Variants in PIEZO2 observed in about 807,000 individuals in gnomAD.
PIEZO2 encodes piezo-type mechanosensitive ion channel component 2.
In PIEZO2, 172 loss-of-function variants were observed where a neutral mutation model predicts 337.3. The ratio of observed to expected loss-of-function variants is 0.51; its 90% CI spans 0.45 to 0.58. PIEZO2 has a LOEUF of 0.58. PIEZO2 is among the 20% of genes least tolerant of loss of function. PIEZO2 has a pLI of 0.00. For missense variants in PIEZO2, 3,028 were observed against 3,391.3 expected (o/e 0.89, Z 2.66); for synonymous variants, 1,251 against 1,228.5 (o/e 1.02, Z -0.38).
intron 7 of PIEZO2, among the ~76,000 whole-genome samples, chr18:10,811,301 C>T (rs1277873384): frequency 6.6e-6 from 1 of 152,174 alleles, no homozygotes; most frequent in Admixed American, 6.5e-5. Flanking sequence ...ATTTGAATTT[C>T]TGCTATTTTT....
chr18:11,017,321 C>A (rs776892697), intron 2 of PIEZO2, among the ~76,000 whole-genome samples: 28 of 152,140 alleles, frequency 1.8e-4, no homozygotes, highest in Non-Finnish European at 4.0e-4. Context: ...GAAGAGAGTT[C>A]TTCAAGACGT....
Position 10,969,578 on chromosome 18 carries a change from A to C in PIEZO2, c.286+9957T>G, listed in dbSNP as rs768164370. Among the ~76,000 whole-genome samples the C allele has an allele frequency of 1.3e-5, 2 of 152,190 alleles. No homozygotes were observed. Among genetic ancestry groups the C allele is most frequent in the African/African-American group, 2.4e-5 (1 of 41,444 alleles). On this transcript the variant is annotated intron_variant, in intron 3 of 55. Coordinates refer to ENST00000674853, the MANE Select transcript of PIEZO2 (RefSeq NM_001378183.1). This position sits in a 1 kb window ranked among gnomAD's most constrained non-coding sequence, Gnocchi z 4.5. ...CTTAATTTTCCCAAATCCAAATGGAAATCCAAATTTTTTTTTGCGAAGGAA... is the reference window on the plus strand; with the variant it reads ...CTTAATTTTCCCAAATCCAAATGGACATCCAAATTTTTTTTTGCGAAGGAA...
Position 11,097,210 on chromosome 18 carries a change from G to GA in PIEZO2, c.65-30989dup, listed in dbSNP as rs933063330. ...ATGCTTTTTATATGTTTAAATGATT[G>GA]AAAAAAAAAGTCAAAAGAAGACTAG... On this transcript the variant is annotated intron_variant, in intron 1 of 55. Coordinates refer to ENST00000674853, the MANE Select transcript of PIEZO2 (RefSeq NM_001378183.1). The surrounding 1 kb of genome is among the most constrained non-coding windows in gnomAD (Gnocchi z 5.0). Among the ~76,000 whole-genome samples the GA allele has an allele frequency of 1.5e-4, 22 of 150,370 alleles. No homozygotes were observed. The highest frequency in any genetic ancestry group is 3.4e-3 in the Middle Eastern group (1 of 292).
In PIEZO2 at chr18:10,854,615, G is replaced by A. The variant is rs2041650434; in HGVS notation, c.917+738C>T. On this transcript the variant is annotated intron_variant, in intron 7 of 55. Coordinates refer to ENST00000674853, the MANE Select transcript of PIEZO2 (RefSeq NM_001378183.1). This position sits in a 1 kb window ranked among gnomAD's most constrained non-coding sequence, Gnocchi z 4.6. The stretch of plus-strand genomic sequence containing the variant: ...CTTTAATTCTCATTTTCATAGTAAG[G>A]ATTTGGTGTAATAGTCATCTCCAAT... Among the ~76,000 whole-genome samples the A allele has an allele frequency of 1.3e-5, 2 of 152,324 alleles. No individual in the cohort carries two copies. Among genetic ancestry groups the A allele is most frequent in the East Asian group, 1.9e-4 (1 of 5,186 alleles).
Position 10,982,426 on chromosome 18 carries a change from T to C in PIEZO2, c.161-2766A>G, listed in dbSNP as rs368928452. On this transcript the variant is annotated intron_variant, in intron 2 of 55. Transcript: ENST00000674853. The surrounding 1 kb of genome is among the most constrained non-coding windows in gnomAD (Gnocchi z 4.1). Reference sequence around the variant, plus strand: ...TAAATAAGTGAAGAGATCTGTTACATGCATGAATGAGGTGACTCAATATGA... The same window carrying C: ...TAAATAAGTGAAGAGATCTGTTACACGCATGAATGAGGTGACTCAATATGA... 4.6e-5 allele frequency among the ~76,000 whole-genome samples: 7 copies of C among 152,270 alleles called. No homozygotes were observed. The East Asian group carries it at 1.2e-3, about 25-fold the overall frequency.
Position 10,682,368 on chromosome 18 carries a change from C to T in PIEZO2, c.7498-76G>A, listed in dbSNP as rs2034304308. 13 of 1,298,480 alleles carry T rather than the reference C, an allele frequency of 1.0e-5. No homozygotes were observed. The highest frequency in any genetic ancestry group is 2.9e-5 in the South Asian group (2 of 69,586). 80.4% of individuals were successfully genotyped at this position (1,298,480 alleles called of 1,614,324 possible). ...CGCAGGCAGCGGGATTGGGGGAGAGCGAGTGCTCTTCCTGTGGTGCTGGGA... is the reference window on the plus strand; with the variant it reads ...CGCAGGCAGCGGGATTGGGGGAGAGTGAGTGCTCTTCCTGTGGTGCTGGGA... On this transcript the variant is annotated intron_variant, in intron 49 of 55. Transcript: ENST00000674853. The surrounding 1 kb of genome is among the most constrained non-coding windows in gnomAD (Gnocchi z 5.6).
intron 1 of PIEZO2, among the ~76,000 whole-genome samples, chr18:11,081,863 G>A (rs980119180): frequency 4.6e-5 from 7 of 151,476 alleles, no homozygotes; most frequent in Non-Finnish European, 7.4e-5. Flanking sequence ...AGGTTTAAGC[G>A]ATTCTCCTGT....
In PIEZO2 at chr18:11,001,894, GGAAGGAAGGAA is replaced by G. The variant is rs1482370709; in HGVS notation, c.161-22245_161-22235del. 3.3e-5 allele frequency among the ~76,000 whole-genome samples: 4 copies of G among 119,918 alleles called. No individual in the cohort carries two copies. The highest frequency in any genetic ancestry group is 9.8e-5 in the African/African-American group (3 of 30,508). 78.7% of individuals were successfully genotyped at this position (119,918 alleles called of 152,430 possible). A position where few individuals can be genotyped will look rare whatever the true frequency, so the allele number is the denominator to read the frequency against. Reference sequence around the variant, plus strand: ...TTCAAAAAAGAAAAAGGAGAAAAAGGGAAGGAAGGAAGAAGGAAGGAAGGAAGGAAGGAAGG... The same window carrying G: ...TTCAAAAAAGAAAAAGGAGAAAAAGGGAAGGAAGGAAGGAAGGAAGGAAGG... On this transcript the variant is annotated intron_variant, in intron 2 of 55. Transcript: ENST00000674853. This position sits in a 1 kb window ranked among gnomAD's most constrained non-coding sequence, Gnocchi z 5.3.
intron 1 of PIEZO2, among the ~76,000 whole-genome samples, chr18:11,106,918 G>A (rs1007065123): frequency 6.6e-6 from 1 of 152,118 alleles, no homozygotes; most frequent in Non-Finnish European, 1.5e-5. Flanking sequence ...GAGGCAGTTC[G>A]GCTGAGAAAC....
At chr18:10,749,345 C>T (rs1351684196) in intron 29 of PIEZO2, among the ~76,000 whole-genome samples, 1 of 151,918 alleles carries the variant, frequency 6.6e-6, no homozygotes. Context: ...CTACTGTGGT[C>T]CCAGCTACTC....
chr18:10,922,446 G>T (rs1269287118), intron 3 of PIEZO2, among the ~76,000 whole-genome samples: 5 of 152,116 alleles, frequency 3.3e-5, no homozygotes, highest in Admixed American at 3.3e-4. Context: ...TGAGGCCAAA[G>T]GACAAGGTGG....
rs1042745166 is a variant in PIEZO2 at position 11,112,082 on chromosome 18, T to A, written c.64+36443A>T. On this transcript the variant is annotated intron_variant, in intron 1 of 55. Transcript: ENST00000674853. The surrounding 1 kb of genome is among the most constrained non-coding windows in gnomAD (Gnocchi z 4.3). ...GAAAGGATTTTAAGACTTTTTAGAATGATTAAACTTTAAAGATGGAGTTTC... is the reference window on the plus strand; with the variant it reads ...GAAAGGATTTTAAGACTTTTTAGAAAGATTAAACTTTAAAGATGGAGTTTC... 6.6e-6 allele frequency among the ~76,000 whole-genome samples: 1 copy of A among 152,232 alleles called. No homozygotes were observed. The highest frequency in any genetic ancestry group is 2.4e-5 in the African/African-American group (1 of 41,464).
chr18:11,091,464 G>T (rs1300153457), intron 1 of PIEZO2, among the ~76,000 whole-genome samples: 2 of 151,630 alleles, frequency 1.3e-5, no homozygotes, highest in African/African-American at 4.8e-5. Context: ...GTATAATGAA[G>T]AAAAGCTGTA....
At chr18:10,873,304 T>C (rs1363802438) in intron 4 of PIEZO2, among the ~76,000 whole-genome samples, 1 of 152,196 alleles carries the variant, frequency 6.6e-6, no homozygotes, top group Non-Finnish European at 1.5e-5. Context: ...GAGTTAGGCA[T>C]TATTATCCTT....
rs1160717682 is a variant in PIEZO2, at chr18:11,125,601, G to C, written c.64+22924C>G. Among the ~76,000 whole-genome samples the C allele has an allele frequency of 1.3e-5, 2 of 152,148 alleles. No homozygotes were observed. The highest frequency in any genetic ancestry group is 1.3e-4 in the Admixed American group (2 of 15,284). The stretch of plus-strand genomic sequence containing the variant: ...AATAAAGATTACCCTGCAGAGAAGA[G>C]CATCCTGGTTTTATGAAGTCCTGTT... On this transcript the variant is annotated intron_variant, in intron 1 of 55. Transcript: ENST00000674853. The surrounding 1 kb of genome is among the most constrained non-coding windows in gnomAD (Gnocchi z 4.4).
chr18:10,849,303 C>T (rs1251369393), intron 7 of PIEZO2, among the ~76,000 whole-genome samples: 1 of 152,216 alleles, frequency 6.6e-6, no homozygotes, highest in African/African-American at 2.4e-5. Flanking sequence ...TGGGCCACTG[C>T]GCTTGGCCCC....
In PIEZO2 at chr18:11,115,851, T is replaced by C. The variant is rs535239171; in HGVS notation, c.64+32674A>G. 3.3e-5 allele frequency among the ~76,000 whole-genome samples: 5 copies of C among 152,226 alleles called. 1 individual carries two copies. The highest frequency in any genetic ancestry group is 1.2e-4 in the African/African-American group (5 of 41,552). ...TTAATTAAACAAGTTTGTGTCCCAG[T>C]AGAGAGGGACAGAAACATGGATGAA... On this transcript the variant is annotated intron_variant, in intron 1 of 55. Coordinates refer to ENST00000674853, the MANE Select transcript of PIEZO2 (RefSeq NM_001378183.1).
At chr18:11,045,291 GTC>G (rs2037266653) in intron 2 of PIEZO2, among the ~76,000 whole-genome samples, 1 of 52,704 alleles carries the variant, frequency 1.9e-5, no homozygotes, top group Admixed American at 3.4e-4. Flanking sequence ...GTGAGACTCC[GTC>G]TCAAAAAAAA....
intron 3 of PIEZO2, among the ~76,000 whole-genome samples, chr18:10,971,876 T>C (rs1259442761): frequency 1.3e-5 from 2 of 152,184 alleles, no homozygotes; most frequent in Non-Finnish European, 2.9e-5. Context: ...TAAATTTAAT[T>C]CTGGCTCTGT....
Sources: gnomAD v4.1 joint callset for allele counts (sites outside exome capture counted in the v4.1 genomes callset) on GRCh38, gnomAD v4.1.1 for gene constraint, Gnocchi (gnomAD v3.1) non-coding constraint, MANE v1.5 for transcripts, NCBI Gene and HGNC (gene_info 2026-07-23, HGNC 2026-07-21) for gene names.